Variants in ANK2 observed in about 807,000 individuals in gnomAD.
ANK2 encodes the protein ankyrin 2.
Under a neutral mutation model 360.5 loss-of-function variants are expected in ANK2, and 83 were observed. The observed-to-expected ratio is 0.23, with a 90% CI of 0.19 to 0.28. ANK2 has a LOEUF of 0.28. ANK2 is among the 10% of genes least tolerant of loss of function. ANK2 has a pLI of 1.00. For missense variants in ANK2, 4,201 were observed against 4,795.7 expected (o/e 0.88, Z 3.66); for synonymous variants, 1,740 against 1,759.5 (o/e 0.99, Z 0.28).
intron 18 of ANK2, among the ~76,000 whole-genome samples, chr4:113,285,932 T>C (rs1019300043): frequency 6.6e-6 from 1 of 152,200 alleles, no homozygotes; most frequent in Non-Finnish European, 1.5e-5. Context: ...AGACAGCAAC[T>C]GTGGACAAAA....
At chr4:113,130,571 C>T (rs910615594) in intron 1 of ANK2, among the ~76,000 whole-genome samples, 1 of 152,066 alleles carries the variant, frequency 6.6e-6, no homozygotes, top group Non-Finnish European at 1.5e-5. Flanking sequence ...AGTGTGTTTA[C>T]CTGGGAGAAC....
intron 1 of ANK2, among the ~76,000 whole-genome samples, chr4:113,081,465 G>C (rs988591371): frequency 6.6e-6 from 1 of 152,122 alleles, no homozygotes; most frequent in African/African-American, 2.4e-5. Context: ...GATTCTCGTA[G>C]TATGACATTA....
rs116489776 is a variant in ANK2, at chr4:113,075,645, A to G, written c.84+25833A>G. Reference sequence around the variant, plus strand: ...GCTGGTTCAGCTTGGGCATGCAAGCATTATTTACCTCTTTAATCTGAATTA... The same window carrying G: ...GCTGGTTCAGCTTGGGCATGCAAGCGTTATTTACCTCTTTAATCTGAATTA... On this transcript the variant is annotated intron_variant, in intron 1 of 45. Coordinates refer to ENST00000357077, the MANE Select transcript of ANK2 (RefSeq NM_001148.6). 6.8e-3 allele frequency among the ~76,000 whole-genome samples: 1,036 copies of G among 152,328 alleles called. 7 individuals carry two copies. Among genetic ancestry groups the G allele is most frequent in the African/African-American group, 0.023 (972 of 41,568 alleles).
chr4:112,941,422 GAT>G (rs1431421204), intron 2 of ANK2, among the ~76,000 whole-genome samples: 1 of 142,936 alleles, frequency 7.0e-6, no homozygotes, highest in Non-Finnish European at 1.5e-5. Context: ...TAGTTAAAAA[GAT>G]ATATTTTTTG....
the ANK2 span, among the ~76,000 whole-genome samples, chr4:112,784,459 G>A: frequency 6.9e-6 from 1 of 145,038 alleles, no homozygotes; most frequent in Admixed American, 7.4e-5. Flanking sequence ...CCAGGTTCAC[G>A]CCATTCTCCT....
chr4:113,020,239 T>C (rs776792530), intron 2 of ANK2, among the ~76,000 whole-genome samples: 2 of 152,168 alleles, frequency 1.3e-5, no homozygotes, highest in African/African-American at 4.8e-5. Context: ...GGCCGGAGTA[T>C]GTAGTGGTGC....
intron 2 of ANK2, among the ~76,000 whole-genome samples, chr4:112,972,227 G>GTTA (rs1207213016): frequency 1.8e-4 from 28 of 152,186 alleles, no homozygotes; most frequent in Middle Eastern, 3.4e-3. Flanking sequence ...TACAGAATGT[G>GTTA]CAGGTTTGTT....
At position 113,332,481 on chromosome 4, in the gene ANK2, A is replaced by G. The variant is rs2092692856; in HGVS notation, c.3224+411A>G. 1.3e-5 allele frequency among the ~76,000 whole-genome samples: 2 copies of G among 152,234 alleles called. 1 individual carries two copies. The highest frequency in any genetic ancestry group is 4.1e-4 in the South Asian group (2 of 4,830). ...GTTCCGGATCCTGAATATAATAGGC[A>G]TTGGACACAATTGGGCTGTCTGCTG... On this transcript the variant is annotated intron_variant, in intron 28 of 45. Transcript: ENST00000357077.
At chr4:113,033,824 G>C (rs1003470057) in intron 2 of ANK2, 1 of 151,922 alleles carries the variant, frequency 6.6e-6, no homozygotes, top group Non-Finnish European at 1.5e-5. Context: ...CACCTGCCTT[G>C]ATTCTCTCCT....
rs72898064 is a variant in ANK2, at chr4:113,232,387, C to T, written c.483+128C>T. ...GGAATGTTCATGTTACTATTATAAT[C>T]GCAACAGTGGCTGTGAACAAATGAC... On this transcript the variant is annotated intron_variant, in intron 5 of 45. Transcript: ENST00000357077. The T allele has an allele frequency of 1.9e-3, 1,441 of 741,826 alleles. 11 individuals carry two copies. The African/African-American group carries it at 0.023, about 12-fold the overall frequency. The allele number at this position is 741,826 out of a possible 1,614,324, so 46.0% of individuals were successfully genotyped here. A position where few individuals can be genotyped will look rare whatever the true frequency, so the allele number is the denominator to read the frequency against.
At chr4:113,025,715 T>C (rs1177103916) in intron 2 of ANK2, among the ~76,000 whole-genome samples, 1 of 152,174 alleles carries the variant, frequency 6.6e-6, no homozygotes. Flanking sequence ...TCTGTGAAAT[T>C]TATAAATTTA....
At chr4:112,792,504 A>G in the ANK2 span, among the ~76,000 whole-genome samples, 1 of 152,208 alleles carries the variant, frequency 6.6e-6, no homozygotes, top group African/African-American at 2.4e-5. Flanking sequence ...TCCTTTTAGT[A>G]TTAAAGAGGA....
chr4:113,220,919 G>T (rs116524849), intron 4 of ANK2, among the ~76,000 whole-genome samples: 118 of 152,338 alleles, frequency 7.7e-4, no homozygotes, highest in African/African-American at 2.6e-3. Context: ...TTCTATGGAG[G>T]ATTCCAATCA....
At chr4:113,045,618 T>G (rs1040198920), upstream of ANK2, among the ~76,000 whole-genome samples, 5 of 152,192 alleles carry the variant, frequency 3.3e-5, no homozygotes, top group Admixed American at 6.6e-5. Context: ...GGCACTCTTA[T>G]AGGTACTTGA....
intron 2 of ANK2, among the ~76,000 whole-genome samples, chr4:112,941,898 TTAACA>T: frequency 6.6e-6 from 1 of 150,854 alleles, no homozygotes; most frequent in African/African-American, 2.4e-5. Flanking sequence ...CATTTAAAAG[TTAACA>T]TAATAGGACC....
chr4:113,190,201 C>T (rs956494), intron 2 of ANK2, among the ~76,000 whole-genome samples: 23,547 of 151,974 alleles, frequency 0.15, 1,860 homozygotes, highest in East Asian at 0.26. Context: ...TGCTCTGTCA[C>T]CCAGGCTGGA....
At chr4:113,105,573 A>T (rs2093512235) in intron 1 of ANK2, among the ~76,000 whole-genome samples, 1 of 152,234 alleles carries the variant, frequency 6.6e-6, no homozygotes, top group African/African-American at 2.4e-5. Flanking sequence ...CATTAATTTT[A>T]CTATTGCTGT....
intron 1 of ANK2, among the ~76,000 whole-genome samples, chr4:113,129,758 C>T (rs1466976914): frequency 6.6e-6 from 1 of 152,082 alleles, no homozygotes; most frequent in African/African-American, 2.4e-5. Context: ...ATGATATTGG[C>T]ATTGATGTAA....
chr4:113,239,860 C>A (rs1358975968), intron 7 of ANK2, among the ~76,000 whole-genome samples: 1 of 151,930 alleles, frequency 6.6e-6, no homozygotes, highest in Non-Finnish European at 1.5e-5. Context: ...CTATTGATGC[C>A]ACGTATATTG....
Sources: allele counts gnomAD v4.1 joint callset (sites outside exome capture counted in the v4.1 genomes callset), GRCh38; gene constraint gnomAD v4.1.1; transcripts MANE v1.5; gene names NCBI Gene and HGNC (gene_info 2026-07-23, HGNC 2026-07-21).